SLCO1B3: variants seen among roughly 807,000 people sequenced by gnomAD.
SLCO1B3 encodes liver-specific organic anion transporter 2.
SLCO1B3 carries 72 observed loss-of-function variants against 71.8 expected under a neutral mutation model. The observed-to-expected ratio is 1.00, with a 90% CI of 0.83 to 1.22. The LOEUF (loss-of-function observed/expected upper bound fraction) is 1.22, where lower values mean the gene tolerates loss of function less well. Among genes scored for constraint, SLCO1B3 ranks in the 50% most tolerant of loss-of-function variants. SLCO1B3 has a pLI of 0.00. For synonymous variants in SLCO1B3, 298 were observed against 278.4 expected (o/e 1.07, Z -0.70); for missense variants, 911 against 819.7 (o/e 1.11, Z -1.36).
chr12:20,849,083 C>T (rs1300824050), intron 3 of SLCO1B3, among the ~76,000 whole-genome samples: 2 of 151,764 alleles, frequency 1.3e-5, no homozygotes, highest in Non-Finnish European at 2.9e-5. Context: ...TGTGGAAGCT[C>T]TCTGTAATTT....
At chr12:20,903,108 C>T (rs543630284) in intron 15 of SLCO1B3, among the ~76,000 whole-genome samples, 32 of 149,458 alleles carry the variant, frequency 2.1e-4, no homozygotes, top group Non-Finnish European at 3.4e-4. Flanking sequence ...ACATCAAATG[C>T]TAGCAAGAAT....
chr12:20,870,144 C>A (rs1428396550), intron 8 of SLCO1B3, among the ~76,000 whole-genome samples: 1 of 152,110 alleles, frequency 6.6e-6, no homozygotes, highest in Non-Finnish European at 1.5e-5. Context: ...GGAGAAATTT[C>A]TATTCAGGTC....
At chr12:20,855,326 G>T (rs1046765162) in intron 4 of SLCO1B3, among the ~76,000 whole-genome samples, 157 bp downstream of exon 4, 2 of 152,112 alleles carry the variant, frequency 1.3e-5, no homozygotes, top group African/African-American at 2.4e-5. Context: ...CTATAAATGG[G>T]CTGGGGCAGG....
At position 20,916,527 on chromosome 12, in the gene SLCO1B3, A is replaced by T; in HGVS notation, c.*280A>T. 4.3e-6 allele frequency: 1 copy of T among 230,048 alleles called. No individual in the cohort carries two copies. Among genetic ancestry groups the T allele is most frequent in the South Asian group, 1.0e-4 (1 of 9,962 alleles). The allele number at this position is 230,048 out of a possible 1,614,324, so 14.3% of individuals were successfully genotyped here. A position where few individuals can be genotyped will look rare whatever the true frequency, so the allele number is the denominator to read the frequency against. ...AACTGCTAATAAAACCAGTGACTAG[A>T]ATATAAGGGAGGTAAAAAGGACAAG... On this transcript the variant is annotated 3_prime_UTR_variant, in exon 16 of 16. Coordinates refer to ENST00000381545, the MANE Select transcript of SLCO1B3 (RefSeq NM_019844.4).
At chr12:20,812,748 A>G (rs905826809) in intron 1 of SLCO1B3, among the ~76,000 whole-genome samples, 4 of 152,212 alleles carry the variant, frequency 2.6e-5, no homozygotes, top group African/African-American at 7.2e-5. Context: ...AAATTAATCA[A>G]TTGAAAGAAA....
At chr12:20,872,830 G>T (rs1049562384) in intron 8 of SLCO1B3, among the ~76,000 whole-genome samples, 3 of 152,214 alleles carry the variant, frequency 2.0e-5, no homozygotes, top group Non-Finnish European at 4.4e-5. Flanking sequence ...TAGAAAAAAA[G>T]AATCACCTCT....
chr12:20,828,642 C>G (rs1864476876), intron 3 of SLCO1B3, among the ~76,000 whole-genome samples: 1 of 116,620 alleles, frequency 8.6e-6, no homozygotes, highest in South Asian at 3.7e-4. Flanking sequence ...GGCACACACA[C>G]ACATACACAC....
chr12:20,901,415 A>G lies in SLCO1B3; in HGVS notation c.1813A>G (p.Asn605Asp), dbSNP rs1439391065. Reference protein sequence around the residue: ...IDKTCMKWSTNSCGAQGACRI... With the variant: ...IDKTCMKWSTDSCGAQGACRI... ...TAAAACATGTATGAAGTGGTCCACC[A>G]ACAGCTGTGGAGCACAAGGGGCTTG... The change falls in exon 15 of 16, where the codon AAC (asparagine) becomes GAC (aspartate). Residue 605 changes from asparagine to aspartate, a missense_variant. Physicochemically the swap from Asn to Asp is conservative, Grantham distance 23 (BLOSUM62 1). Coordinates refer to ENST00000381545, the MANE Select transcript of SLCO1B3 (RefSeq NM_019844.4). 3.2e-6 allele frequency: 5 copies of G among 1,586,144 alleles called. No individual in the cohort carries two copies. The African/African-American group carries it at 6.8e-5, about 22-fold the overall frequency.
chr12:20,855,264 G>A, intron 4 of SLCO1B3, 95 bp downstream of exon 4: 1 of 1,102,504 alleles, frequency 9.1e-7, no homozygotes, highest in Non-Finnish European at 1.3e-6. Context: ...TGGACTAGGT[G>A]TAAATTTGTC....
chr12:20,823,396 A>T (rs1288080178), intron 3 of SLCO1B3, among the ~76,000 whole-genome samples: 1 of 152,184 alleles, frequency 6.6e-6, no homozygotes, highest in African/African-American at 2.4e-5. Flanking sequence ...TTTAGACTTT[A>T]TTTCATATTG....
intron 9 of SLCO1B3, among the ~76,000 whole-genome samples, chr12:20,876,837 A>AT (rs568686579): frequency 5.3e-4 from 79 of 148,920 alleles, no homozygotes; most frequent in Admixed American, 9.4e-4. Flanking sequence ...CAATTGATGA[A>AT]TTTTTTTTTT....
intron 3 of SLCO1B3, among the ~76,000 whole-genome samples, chr12:20,836,249 A>G (rs532602966): frequency 3.9e-5 from 6 of 152,224 alleles, no homozygotes; most frequent in African/African-American, 9.6e-5. Flanking sequence ...ACATATCACT[A>G]TTATAAATAT....
intron 8 of SLCO1B3, among the ~76,000 whole-genome samples, chr12:20,864,820 AATTC>A (rs1242191611): frequency 6.6e-6 from 1 of 152,160 alleles, no homozygotes; most frequent in African/African-American, 2.4e-5. Flanking sequence ...GGTAAATTTT[AATTC>A]CTACAGGATC....
Position 20,861,018 on chromosome 12 carries a change from T to C in SLCO1B3, c.361T>C (p.Tyr121His). The C allele has an allele frequency of 6.3e-7, 1 of 1,575,496 alleles. No homozygotes were observed. Among genetic ancestry groups the C allele is most frequent in the Non-Finnish European group, 8.7e-7 (1 of 1,155,710 alleles). ...TTCAATTTCATGTTGCTCTTACAGT[T>C]ATAGGTATTCTAAAGAAACCCATAT... Reference protein sequence around the residue: ...TSLPHFFMGYYRYSKETHINP... With the variant: ...TSLPHFFMGYHRYSKETHINP... The change falls in exon 6 of 16, where the codon TAT (tyrosine) becomes CAT (histidine). Residue 121 changes from tyrosine (Y) to histidine (H), a missense_variant and splice_region_variant. Tyr to His is a moderately conservative substitution (Grantham distance 83). Transcript: ENST00000381545.
intron 3 of SLCO1B3, among the ~76,000 whole-genome samples, chr12:20,852,322 A>T (rs534046070): frequency 6.6e-6 from 1 of 152,208 alleles, no homozygotes; most frequent in East Asian, 1.9e-4. Context: ...ATCTTTAAAA[A>T]AAAGTAATTA....
At chr12:20,901,513 T>A in intron 15 of SLCO1B3, 46 bp downstream of exon 15, 1 of 973,920 alleles carries the variant, frequency 1.0e-6, no homozygotes, top group Non-Finnish European at 1.6e-6. Flanking sequence ...TTTCTTTGTC[T>A]ATGTTAATGT....
chr12:20,916,601 A>AC lies in SLCO1B3; in HGVS notation c.*354_*355insC, dbSNP rs1259906598. On this transcript the variant is annotated 3_prime_UTR_variant, in exon 16 of 16. Transcript: ENST00000381545. ...AGAAAAGCCTGATGCCTTTAAAAAA[A>AC]ATGAAACACTTTGGATGTATTACTT... 1.3e-5 allele frequency: 2 copies of AC among 157,576 alleles called. No individual in the cohort carries two copies. The highest frequency in any genetic ancestry group is 4.8e-5 in the African/African-American group (2 of 41,532). The allele number at this position is 157,576 out of a possible 1,614,324, so 9.8% of individuals were successfully genotyped here.
chr12:20,909,092 G>A (rs1866312857), intron 15 of SLCO1B3, among the ~76,000 whole-genome samples: 1 of 151,622 alleles, frequency 6.6e-6, no homozygotes, highest in African/African-American at 2.4e-5. Flanking sequence ...TAGGTATGTA[G>A]TGGTATCTCA....
Position 20,878,086 on chromosome 12 carries a change from A to G in SLCO1B3, c.1135+150A>G, listed in dbSNP as rs2417938. On this transcript the variant is annotated intron_variant, in intron 10 of 15. Transcript: ENST00000381545. ...ACTTTACAAAATTTCTCCATCTTGT[A>G]ATATCATCGTTGTTCTGCATTTGAA... is the stretch of plus-strand genomic sequence containing the variant. 0.8 allele frequency: 425,992 copies of G among 529,380 alleles called. 176,142 individuals carry two copies. Among genetic ancestry groups the G allele is most frequent in the South Asian group, 0.91 (34,700 of 38,018 alleles). 32.8% of individuals were successfully genotyped at this position (529,380 alleles called of 1,614,324 possible). A position where few individuals can be genotyped will look rare whatever the true frequency, so the allele number is the denominator to read the frequency against.
Sources: allele counts gnomAD v4.1 joint callset (sites outside exome capture counted in the v4.1 genomes callset), GRCh38; gene constraint gnomAD v4.1.1; transcripts MANE v1.5; gene names NCBI Gene and HGNC (gene_info 2026-07-23, HGNC 2026-07-21).